Variants in CSK observed in about 807,000 individuals in gnomAD.
The protein encoded by CSK is tyrosine-protein kinase CSK.
A neutral mutation model predicts 62.3 loss-of-function variants in CSK; 7 were observed. The observed-to-expected ratio is 0.11, with a 90% CI of 0.06 to 0.21. The LOEUF (loss-of-function observed/expected upper bound fraction) is 0.21, where lower values mean the gene tolerates loss of function less well. CSK is among the 10% of genes least tolerant of loss of function. The pLI, the probability that CSK is intolerant of heterozygous loss-of-function variation, is 1.00. For missense variants in CSK, 294 were observed against 613.5 expected (o/e 0.48, Z 5.50); for synonymous variants, 237 against 246.0 (o/e 0.96, Z 0.34).
At position 74,798,123 on chromosome 15, in the gene CSK, C is replaced by G. The variant is rs1434836075; in HGVS notation, c.-65-110C>G. 4 of 640,998 alleles carry G rather than the reference C, an allele frequency of 6.2e-6. No individual in the cohort carries two copies. Among genetic ancestry groups the G allele is most frequent in the Non-Finnish European group, 1.1e-5 (4 of 376,020 alleles). The allele number at this position is 640,998 out of a possible 1,614,324, so 39.7% of individuals were successfully genotyped here. A position where few individuals can be genotyped will look rare whatever the true frequency, so the allele number is the denominator to read the frequency against. On this transcript the variant is annotated intron_variant, in intron 1 of 12. Transcript: ENST00000220003. This position sits in a 1 kb window ranked among gnomAD's most constrained non-coding sequence, Gnocchi z 6.6. ...GAGAGAATGGCCCATGTGTCAAATC[C>G]CAGCGCAGGACACTCTTGGCACCTG...
rs1244376860 is a variant in CSK at position 74,798,210 on chromosome 15, A to T, written c.-65-23A>T. On this transcript the variant is annotated intron_variant, in intron 1 of 12. Transcript: ENST00000220003. The surrounding 1 kb of genome is among the most constrained non-coding windows in gnomAD (Gnocchi z 6.6). ...GGGGCATTTCTTCACACCCCTCCTCAGTCTTCATGCTCTTCCCCACAGCTC... is the reference window on the plus strand; with the variant it reads ...GGGGCATTTCTTCACACCCCTCCTCTGTCTTCATGCTCTTCCCCACAGCTC... 3.5e-6 allele frequency: 5 copies of T among 1,438,972 alleles called. No homozygotes were observed. The highest frequency in any genetic ancestry group is 4.7e-6 in the Non-Finnish European group (5 of 1,069,236). 89.1% of individuals were successfully genotyped at this position (1,438,972 alleles called of 1,614,324 possible).
In CSK at chr15:74,792,097, T is replaced by A. The variant is rs538242748; in HGVS notation, c.-65-6136T>A. Among the ~76,000 whole-genome samples the A allele has an allele frequency of 8.5e-5, 13 of 152,268 alleles. No homozygotes were observed. In the South Asian group the frequency reaches 2.7e-3, roughly 32 times the overall value. ...CATCTAGAGATCTCCCCTGGCCCCATCACAGCTAGAGCTATGCTGTCCCCT... is the reference window on the plus strand; with the variant it reads ...CATCTAGAGATCTCCCCTGGCCCCAACACAGCTAGAGCTATGCTGTCCCCT... On this transcript the variant is annotated intron_variant, in intron 1 of 12. Coordinates refer to ENST00000220003, the MANE Select transcript of CSK (RefSeq NM_004383.3).
chr15:74,786,012 T>TTTTTTTTTTTTC (rs1567214220), intron 1 of CSK, among the ~76,000 whole-genome samples: 1 of 122,578 alleles, frequency 8.2e-6, no homozygotes, highest in African/African-American at 3.0e-5. Flanking sequence ...CTTTTTTTTT[T>TTTTTTTTTTTTC]TTGTGTGTGT....
In CSK at chr15:74,798,043, G is replaced by T; in HGVS notation, c.-65-190G>T. ...AGGGTTGGTGGCTCCCTCTGCCCCT[G>T]GGGGTCCTCAGCCCTCATGCTCCTC... On this transcript the variant is annotated intron_variant, in intron 1 of 12. Transcript: ENST00000220003. The surrounding 1 kb of genome is among the most constrained non-coding windows in gnomAD (Gnocchi z 6.6). The T allele has an allele frequency of 4.5e-6, 2 of 447,654 alleles. No individual in the cohort carries two copies. Among genetic ancestry groups the T allele is most frequent in the Non-Finnish European group, 8.0e-6 (2 of 249,984 alleles). The allele number at this position is 447,654 out of a possible 1,614,324, so 27.7% of individuals were successfully genotyped here. A position where few individuals can be genotyped will look rare whatever the true frequency, so the allele number is the denominator to read the frequency against.
chr15:74,793,643 T>TA (rs1354112790), intron 1 of CSK, among the ~76,000 whole-genome samples: 1 of 152,176 alleles, frequency 6.6e-6, no homozygotes, highest in African/African-American at 2.4e-5. Flanking sequence ...TCAGAGTTGT[T>TA]AGAGGATGTG....
chr15:74,794,064 T>A (rs1730459228), intron 1 of CSK, among the ~76,000 whole-genome samples: 1 of 152,110 alleles, frequency 6.6e-6, no homozygotes, highest in Admixed American at 6.5e-5. Context: ...GTAAGAGGGT[T>A]AGAAGAGCTC....
At position 74,784,016 on chromosome 15, in the gene CSK, C is replaced by A. The variant is rs550133639; in HGVS notation, c.-66+1296C>A. ...CTGTTTCAAGCTCCTAGTACCCTGG[C>A]GGTTCCAGTGTCTTTCTTGGTTGTG... On this transcript the variant is annotated intron_variant, in intron 1 of 12. Transcript: ENST00000220003. 5.3e-5 allele frequency among the ~76,000 whole-genome samples: 8 copies of A among 152,294 alleles called. No individual in the cohort carries two copies. The East Asian group carries it at 1.5e-3, about 29-fold the overall frequency.
In CSK at chr15:74,802,320, C is replaced by G. The variant is rs371141831; in HGVS notation, c.1171-11C>G. The G allele has an allele frequency of 1.1e-5, 17 of 1,574,856 alleles. No homozygotes were observed. In the South Asian group the frequency reaches 1.7e-4, roughly 16 times the overall value. On this transcript the variant is annotated splice_polypyrimidine_tract_variant and intron_variant, in intron 12 of 12. Coordinates refer to ENST00000220003, the MANE Select transcript of CSK (RefSeq NM_004383.3). ...GGGCCTGGACTGACTCCTGCCTCCCCCTGGCCACAGCCCCTGAAGGACGTC... is the reference window on the plus strand; with the variant it reads ...GGGCCTGGACTGACTCCTGCCTCCCGCTGGCCACAGCCCCTGAAGGACGTC...
intron 1 of CSK, among the ~76,000 whole-genome samples, chr15:74,793,903 C>T (rs1567216656): frequency 6.6e-6 from 1 of 152,132 alleles, no homozygotes; most frequent in South Asian, 2.1e-4. Context: ...GGAATGCTAG[C>T]AGGGCCCCTA....
chr15:74,785,018 T>G (rs2063494664), intron 1 of CSK, among the ~76,000 whole-genome samples: 1 of 152,218 alleles, frequency 6.6e-6, no homozygotes, highest in Non-Finnish European at 1.5e-5. Context: ...GAGCTCATTA[T>G]AGGGAAACCA....
rs372019231 is a variant in CSK at position 74,799,383 on chromosome 15, G to T, written c.354G>T (p.Leu118=). 2 of 1,613,532 alleles carry T rather than the reference G, an allele frequency of 1.2e-6. No individual in the cohort carries two copies. The highest frequency in any genetic ancestry group is 2.7e-5 in the African/African-American group (2 of 74,956). ...ESTNYPGDYT[L]CVSCDGKVEH... is the part of the protein sequence containing the mutation. ...CCAACTACCCCGGAGACTACACGCTGTGCGTGAGCTGCGACGGCAAGGTGG... is the reference window on the plus strand; with the variant it reads ...CCAACTACCCCGGAGACTACACGCTTTGCGTGAGCTGCGACGGCAAGGTGG... The change falls in exon 5 of 13, where the codon CTG becomes CTT. Residue 118 remains leucine, a synonymous_variant. Coordinates refer to ENST00000220003, the MANE Select transcript of CSK (RefSeq NM_004383.3).
chr15:74,786,659 C>G (rs2063526219), intron 1 of CSK, among the ~76,000 whole-genome samples: 1 of 152,144 alleles, frequency 6.6e-6, no homozygotes, highest in Non-Finnish European at 1.5e-5. Context: ...TGTGACACAC[C>G]TGCTTCCTCT....
chr15:74,795,711 T>C (rs1343293002), intron 1 of CSK, among the ~76,000 whole-genome samples: 3 of 152,134 alleles, frequency 2.0e-5, no homozygotes. Flanking sequence ...AAATATACGG[T>C]TGACCCTTGA....
chr15:74,792,556 TTAAA>T (rs1345983822), intron 1 of CSK, among the ~76,000 whole-genome samples: 6 of 152,160 alleles, frequency 3.9e-5, no homozygotes, highest in Admixed American at 6.5e-5. Flanking sequence ...ACTCTTAAGT[TTAAA>T]TAACCCCAGG....
intron 5 of CSK, 58 bp from the exon 6 acceptor site, chr15:74,800,354 C>T (rs1377070227): frequency 2.1e-5 from 31 of 1,494,846 alleles, no homozygotes; most frequent in African/African-American, 9.6e-5. Context: ...CAGGCCTGGA[C>T]GGTGCATATG....
At position 74,800,314 on chromosome 15, in the gene CSK, C is replaced by CG; in HGVS notation, c.463-94dup. On this transcript the variant is annotated intron_variant, in intron 5 of 12. Coordinates refer to ENST00000220003, the MANE Select transcript of CSK (RefSeq NM_004383.3). ...CCCCACTCAGTGACTCCAGGCTAGG[C>CG]GGGGCTGGCCTCTGCCGCCCTCTGG... 3 of 1,024,850 alleles carry CG rather than the reference C, an allele frequency of 2.9e-6. No homozygotes were observed. The East Asian group carries it at 7.8e-5, about 27-fold the overall frequency. 63.5% of individuals were successfully genotyped at this position (1,024,850 alleles called of 1,614,324 possible). A position where few individuals can be genotyped will look rare whatever the true frequency, so the allele number is the denominator to read the frequency against.
At chr15:74,801,199 A>G in intron 9 of CSK, 97 bp downstream of exon 9, 2 of 1,401,356 alleles carry the variant, frequency 1.4e-6, no homozygotes, top group Middle Eastern at 1.8e-4. Context: ...CCCGACCCCA[A>G]GTGAGCTTTT....
chr15:74,791,946 A>G (rs2063627974), intron 1 of CSK, among the ~76,000 whole-genome samples: 1 of 152,132 alleles, frequency 6.6e-6, no homozygotes, highest in African/African-American at 2.4e-5. Context: ...TCCTGTTTCC[A>G]ATTAGCCTGT....
At chr15:74,785,829 T>A (rs1398249444) in intron 1 of CSK, among the ~76,000 whole-genome samples, 1 of 152,024 alleles carries the variant, frequency 6.6e-6, no homozygotes, top group African/African-American at 2.4e-5. Context: ...GCCAGTGCCC[T>A]TGCCTGCCTT....
Sources: allele counts gnomAD v4.1 joint callset (sites outside exome capture counted in the v4.1 genomes callset), GRCh38; gene constraint gnomAD v4.1.1; non-coding constraint Gnocchi (gnomAD v3.1); transcripts MANE v1.5; gene names NCBI Gene and HGNC (gene_info 2026-07-23, HGNC 2026-07-21).